Variants in TMEM229B observed in about 807,000 individuals in gnomAD.
TMEM229B encodes the protein chromosome 14 open reading frame 83.
A neutral mutation model predicts 13.7 loss-of-function variants in TMEM229B; 6 were observed. The observed-to-expected ratio is 0.44, with a 90% confidence interval of 0.24 to 0.86. The LOEUF (loss-of-function observed/expected upper bound fraction) is 0.86, where lower values mean the gene tolerates loss of function less well. Ranked by LOEUF, TMEM229B falls within the 40% of genes least tolerant of loss-of-function variation. TMEM229B has a pLI of 0.23. For missense variants in TMEM229B, 170 were observed against 236.0 expected (o/e 0.72, Z 1.83); for synonymous variants, 107 against 102.1 (o/e 1.05, Z -0.29).
rs1049035301 is a variant in TMEM229B, at chr14:67,488,635, A to G, written c.-319T>C. The G allele has an allele frequency of 6.6e-6, 1 of 152,482 alleles. No homozygotes were observed. Among genetic ancestry groups the G allele is most frequent in the African/African-American group, 2.4e-5 (1 of 41,476 alleles). The allele number at this position is 152,482 out of a possible 1,614,324, so 9.4% of individuals were successfully genotyped here. A position where few individuals can be genotyped will look rare whatever the true frequency, so the allele number is the denominator to read the frequency against. ...CTCTCTCTCCACCAGCACCACAAGG[A>G]CCATGTGCCTGGGGAGTTCAATCCC... On this transcript the variant is annotated 5_prime_UTR_variant, in exon 1 of 3. Coordinates refer to ENST00000554480, the MANE Select transcript of TMEM229B (RefSeq NM_001348543.2).
chr14:67,505,377 G>A (rs1175129527), intron 1 of TMEM229B, among the ~76,000 whole-genome samples: 1 of 152,178 alleles, frequency 6.6e-6, no homozygotes, highest in African/African-American at 2.4e-5. Flanking sequence ...CTGCAACTGG[G>A]AGGACATGGT....
chr14:67,480,649 C>G (rs2031529306), intron 2 of TMEM229B, among the ~76,000 whole-genome samples: 1 of 152,162 alleles, frequency 6.6e-6, no homozygotes, highest in Non-Finnish European at 1.5e-5. Flanking sequence ...AACTCAGGCC[C>G]CATGACCTGC....
chr14:67,496,421 T>TTTTTTTTTA (rs1491168123), intron 1 of TMEM229B, among the ~76,000 whole-genome samples: 1 of 117,430 alleles, frequency 8.5e-6, no homozygotes, highest in Non-Finnish European at 1.8e-5. Context: ...TTTTTTTTTT[T>TTTTTTTTTA]GAGACAGGGT....
upstream of TMEM229B, among the ~76,000 whole-genome samples, chr14:67,518,043 G>T (rs543693276): frequency 2.2e-4 from 33 of 152,326 alleles, no homozygotes; most frequent in Non-Finnish European, 3.7e-4. Flanking sequence ...ATACAGAATT[G>T]TGGGAAGGGG....
intron 1 of TMEM229B, among the ~76,000 whole-genome samples, chr14:67,522,165 T>G (rs1475683558): frequency 1.3e-5 from 2 of 152,014 alleles, no homozygotes; most frequent in Non-Finnish European, 2.9e-5. Flanking sequence ...GGAGTGAGAC[T>G]CCGTCTCAAA....
At chr14:67,519,784 A>G (rs1296404309), upstream of TMEM229B, among the ~76,000 whole-genome samples, 2 of 150,678 alleles carry the variant, frequency 1.3e-5, no homozygotes, top group Non-Finnish European at 2.9e-5. Context: ...GTGCAGTGGC[A>G]TGATCATGGC....
At chr14:67,522,201 A>G (rs1001375556) in intron 1 of TMEM229B, among the ~76,000 whole-genome samples, 3 of 152,072 alleles carry the variant, frequency 2.0e-5, no homozygotes, top group Admixed American at 1.3e-4. Context: ...AAAAAAAGGA[A>G]AGAAAGTTGG....
chr14:67,497,033 C>T (rs1566689207), intron 1 of TMEM229B, among the ~76,000 whole-genome samples: 1 of 151,976 alleles, frequency 6.6e-6, no homozygotes, highest in Non-Finnish European at 1.5e-5. Context: ...CTCAGGTGAT[C>T]GGCCCGCCTC....
intron 1 of TMEM229B, among the ~76,000 whole-genome samples, chr14:67,524,984 G>T (rs970804433): frequency 6.6e-6 from 1 of 152,194 alleles, no homozygotes; most frequent in East Asian, 1.9e-4. Flanking sequence ...GGACTGGCAG[G>T]TTGTGGCTTT....
At chr14:67,485,836 A>ATGC (rs2031843787) in intron 2 of TMEM229B, among the ~76,000 whole-genome samples, 1 of 152,196 alleles carries the variant, frequency 6.6e-6, no homozygotes, top group South Asian at 2.1e-4. Flanking sequence ...TGAGGAGGAG[A>ATGC]TGCTGCTGCT....
upstream of TMEM229B, among the ~76,000 whole-genome samples, chr14:67,519,826 G>A (rs529208943): frequency 3.9e-5 from 6 of 151,990 alleles, no homozygotes; most frequent in East Asian, 9.7e-4. Context: ...AGGCTCAAGC[G>A]ATTCTCCTGC....
chr14:67,511,255 G>A (rs1215421195), intron 1 of TMEM229B, among the ~76,000 whole-genome samples: 1 of 152,158 alleles, frequency 6.6e-6, no homozygotes, highest in Non-Finnish European at 1.5e-5. Context: ...GGGGCTTTTG[G>A]AAAGCAAAGG....
intron 2 of TMEM229B, among the ~76,000 whole-genome samples, chr14:67,482,739 A>G (rs2031657581): frequency 6.6e-6 from 1 of 152,224 alleles, no homozygotes; most frequent in African/African-American, 2.4e-5. Flanking sequence ...GCCCAGGGCC[A>G]GAAGGGAAGC....
Position 67,512,640 on chromosome 14 carries a change from G to A in TMEM229B, c.-192+2446C>T, listed in dbSNP as rs12433584. Among the ~76,000 whole-genome samples the A allele has an allele frequency of 6.8e-3, 1,039 of 152,214 alleles. 15 individuals carry two copies. Among genetic ancestry groups the A allele is most frequent in the Admixed American group, 0.035 (539 of 15,292 alleles). On this transcript the variant is annotated intron_variant, in intron 1 of 2. Transcript: ENST00000357461. ...AAGGACAGCCAGATCTGATACAGTT[G>A]CCGATAAGACCAAGCTGCCTCACTC...
At chr14:67,483,299 C>T (rs2031695739) in intron 2 of TMEM229B, among the ~76,000 whole-genome samples, 1 of 152,172 alleles carries the variant, frequency 6.6e-6, no homozygotes, top group African/African-American at 2.4e-5. Flanking sequence ...GCACGAGTCA[C>T]CACACCTGGC....
chr14:67,477,308 T>A (rs577871923), intron 2 of TMEM229B, among the ~76,000 whole-genome samples: 17 of 152,344 alleles, frequency 1.1e-4, no homozygotes, highest in African/African-American at 4.1e-4. Context: ...TCTTCCTGTC[T>A]TTCATCTCCA....
chr14:67,517,867 C>G (rs116848385), upstream of TMEM229B, among the ~76,000 whole-genome samples: 1,729 of 152,302 alleles, frequency 0.011, 10 homozygotes, highest in Non-Finnish European at 0.018. Context: ...AAACTCAGGT[C>G]TTCTGGTACC....
intron 2 of TMEM229B, among the ~76,000 whole-genome samples, chr14:67,475,699 A>G (rs1032484684): frequency 2.6e-5 from 4 of 152,164 alleles, no homozygotes; most frequent in Non-Finnish European, 5.9e-5. Flanking sequence ...TTGACACAGG[A>G]AAGAGTCCTC....
chr14:67,531,365 G>A lies in TMEM229B; in HGVS notation c.-192+2271C>T, dbSNP rs576776658. Among the ~76,000 whole-genome samples the A allele has an allele frequency of 7.3e-4, 111 of 152,238 alleles. 1 individual carries two copies. Among genetic ancestry groups the A allele is most frequent in the African/African-American group, 2.5e-3 (104 of 41,536 alleles). ...TGGAAGAGACATAACTGAAACTCAA[G>A]CCTCCTAAATTCCTAATGTAGGGTT... On this transcript the variant is annotated intron_variant, in intron 1 of 2. Coordinates refer to the TMEM229B transcript ENST00000554278.
Sources: allele counts gnomAD v4.1 joint callset (sites outside exome capture counted in the v4.1 genomes callset), GRCh38; gene constraint gnomAD v4.1.1; transcripts MANE v1.5; gene names NCBI Gene and HGNC (gene_info 2026-07-23, HGNC 2026-07-21).